LRP1B: variants seen among roughly 807,000 people sequenced by gnomAD.
The protein encoded by LRP1B is LDL receptor related protein 1B, also known as low-density lipoprotein receptor-related protein 1B.
A neutral mutation model predicts 556.6 loss-of-function variants in LRP1B; 217 were observed. That is an observed-to-expected ratio of 0.39 (90% CI 0.35 to 0.44). LRP1B has a LOEUF of 0.44. Ranked by LOEUF, LRP1B falls within the 20% of genes least tolerant of loss-of-function variation. The probability of loss-of-function intolerance (pLI) is 1.00; values close to 1 mark genes in which losing one functional copy is unlikely to be tolerated. For synonymous variants in LRP1B, 2,047 were observed against 1,865.8 expected, an observed-to-expected ratio of 1.10 and a Z score of -2.50; for missense variants, 5,053 against 5,620.8, an observed-to-expected ratio of 0.90 and a Z score of 3.23.
At chr2:142,048,103 A>G (rs964962717) in intron 1 of LRP1B, among the ~76,000 whole-genome samples, 1 of 152,002 alleles carries the variant, frequency 6.6e-6, no homozygotes, top group Admixed American at 6.6e-5. Context: ...TGTTGCTTAA[A>G]TTTTCTAAGG....
At chr2:140,892,939 G>T (rs1163684014) in intron 23 of LRP1B, among the ~76,000 whole-genome samples, 3 of 152,000 alleles carry the variant, frequency 2.0e-5, no homozygotes, top group Admixed American at 1.3e-4. Context: ...TGTATGCAAA[G>T]AAACATAGAT....
In LRP1B at chr2:141,366,583, G is replaced by A. The variant is rs149988338; in HGVS notation, c.344-111942C>T. On this transcript the variant is annotated intron_variant, in intron 3 of 90. Coordinates refer to ENST00000389484, the MANE Select transcript of LRP1B (RefSeq NM_018557.3). ...ATGCAATATTTTATTAACTAAAAAG[G>A]CAAAAACACTTCTATTTAACCCTTC... 2.6e-3 allele frequency among the ~76,000 whole-genome samples: 393 copies of A among 152,102 alleles called. 1 individual carries two copies. Among genetic ancestry groups the A allele is most frequent in the African/African-American group, 9.0e-3 (373 of 41,492 alleles).
At chr2:141,495,919 A>G (rs1187257118) in intron 2 of LRP1B, among the ~76,000 whole-genome samples, 4 of 152,074 alleles carry the variant, frequency 2.6e-5, no homozygotes, top group Non-Finnish European at 4.4e-5. Flanking sequence ...TAATGACAGC[A>G]ATGGTAGAAT....
At chr2:140,686,354 G>A (rs1187466218) in intron 41 of LRP1B, among the ~76,000 whole-genome samples, 1 of 151,920 alleles carries the variant, frequency 6.6e-6, no homozygotes, top group Non-Finnish European at 1.5e-5. Flanking sequence ...CTCAAGGCAG[G>A]GAAAGCAAAT....
chr2:141,084,848 A>G (rs1444811531), intron 7 of LRP1B, among the ~76,000 whole-genome samples: 1 of 151,708 alleles, frequency 6.6e-6, no homozygotes, highest in Non-Finnish European at 1.5e-5. Context: ...ACGGGGTTTC[A>G]CCGTGTTAGC....
chr2:141,086,370 T>C lies in LRP1B; in HGVS notation c.1014-24097A>G, dbSNP rs149687670. Among the ~76,000 whole-genome samples the C allele has an allele frequency of 4.3e-3, 661 of 152,328 alleles. 6 individuals carry two copies. The highest frequency in any genetic ancestry group is 0.015 in the African/African-American group (629 of 41,582). ...CTTTTCCTTGTGATTTGCCTATTTC[T>C]TTAATTACATTAATTTCACTTCTAC... On this transcript the variant is annotated intron_variant, in intron 7 of 90. Transcript: ENST00000389484.
At chr2:141,225,331 G>C (rs1683202113) in intron 6 of LRP1B, among the ~76,000 whole-genome samples, 1 of 152,170 alleles carries the variant, frequency 6.6e-6, no homozygotes, top group South Asian at 2.1e-4. Flanking sequence ...TTACTGTGCA[G>C]CTGGGGGATG....
intron 7 of LRP1B, among the ~76,000 whole-genome samples, chr2:141,185,041 G>A (rs567288444): frequency 6.6e-6 from 1 of 151,980 alleles, no homozygotes; most frequent in Non-Finnish European, 1.5e-5. Flanking sequence ...ATTCGTAATG[G>A]TATCACAAGT....
rs2105116034 is a variant in LRP1B at position 140,350,902 on chromosome 2, A to G, written c.11787T>C (p.Tyr3929=). ...TCCAAATAATCATATCTCTTTGATA[A>G]TATACATCCATCCCTGTTATTCTTG... The part of the protein sequence containing the change: ...HNSRITGMDV[Y]YQRDMIIWST... The change falls in exon 77 of 91, where the codon TAT becomes TAC. Residue 3929 remains tyrosine (Y), a synonymous_variant. Coordinates refer to ENST00000389484, the MANE Select transcript of LRP1B (RefSeq NM_018557.3). 1 of 1,611,196 alleles carries G rather than the reference A, an allele frequency of 6.2e-7. No individual in the cohort carries two copies. Among genetic ancestry groups the G allele is most frequent in the Non-Finnish European group, 8.5e-7 (1 of 1,177,962 alleles).
chr2:141,894,649 AGATCTAGAT>A (rs1699388249), intron 1 of LRP1B, among the ~76,000 whole-genome samples: 1 of 2,134 alleles, frequency 4.7e-4, no homozygotes, highest in African/African-American at 9.0e-4. Flanking sequence ...ATCTAGATCT[AGATCTAGAT>A]CTAGATCTAG....
At chr2:140,663,187 T>C (rs1685157120) in intron 41 of LRP1B, among the ~76,000 whole-genome samples, 1 of 152,120 alleles carries the variant, frequency 6.6e-6, no homozygotes, top group Admixed American at 6.6e-5. Context: ...CTGAAATTCA[T>C]TAAAATGTCC....
chr2:140,895,505 TCACC>T (rs200077327), intron 23 of LRP1B, among the ~76,000 whole-genome samples: 8,196 of 138,526 alleles, frequency 0.059, 225 homozygotes, highest in East Asian at 0.1. Context: ...TCAGGTCACC[TCACC>T]GGCAGGAGCA....
chr2:140,441,204 GA>G (rs1031328680), intron 66 of LRP1B, among the ~76,000 whole-genome samples: 2 of 152,142 alleles, frequency 1.3e-5, no homozygotes, highest in African/African-American at 4.8e-5. Flanking sequence ...TGAGGAAAAG[GA>G]AGGAGAGGAA....
chr2:141,717,139 C>T (rs1453401561), intron 2 of LRP1B, among the ~76,000 whole-genome samples: 1 of 152,132 alleles, frequency 6.6e-6, no homozygotes, highest in Non-Finnish European at 1.5e-5. Context: ...AAAAATTAAT[C>T]TCTTGCCCAG....
intron 2 of LRP1B, among the ~76,000 whole-genome samples, chr2:141,716,969 AGG>A (rs10708302): frequency 0.045 from 6,793 of 151,636 alleles, 211 homozygotes; most frequent in South Asian, 0.1. Context: ...CATGATCCAC[AGG>A]GGGGGGTCGC....
intron 57 of LRP1B, among the ~76,000 whole-genome samples, chr2:140,490,165 CTT>C (rs1170658213): frequency 6.6e-6 from 1 of 152,056 alleles, no homozygotes; most frequent in Non-Finnish European, 1.5e-5. Flanking sequence ...GACTTGCACT[CTT>C]TGGTTCGAGA....
At chr2:140,854,224 T>C (rs1045565078) in intron 27 of LRP1B, among the ~76,000 whole-genome samples, 6 of 152,144 alleles carry the variant, frequency 3.9e-5, no homozygotes. Context: ...GGTAGGTACT[T>C]GAATTTCACT....
chr2:140,679,007 C>T (rs1240872206), intron 41 of LRP1B, among the ~76,000 whole-genome samples: 2 of 152,120 alleles, frequency 1.3e-5, no homozygotes, highest in Non-Finnish European at 2.9e-5. Context: ...GAACTCCTGA[C>T]CTCTGTTGAT....
intron 6 of LRP1B, among the ~76,000 whole-genome samples, chr2:141,211,387 C>T (rs568446642): frequency 5.2e-4 from 78 of 151,112 alleles, no homozygotes; most frequent in African/African-American, 1.9e-3. Flanking sequence ...TTTGGGAGAC[C>T]AAGGCAGGTG....
Sources: allele counts gnomAD v4.1 joint callset (sites outside exome capture counted in the v4.1 genomes callset), GRCh38; gene constraint gnomAD v4.1.1; transcripts MANE v1.5; gene names NCBI Gene and HGNC (gene_info 2026-07-23, HGNC 2026-07-21).